CD44: variants seen among roughly 807,000 people sequenced by gnomAD.
The protein encoded by CD44 is CD44 molecule (IN blood group).
In CD44, 49 loss-of-function variants were observed where a neutral mutation model predicts 88.8. That is an observed-to-expected ratio of 0.55 (90% CI 0.44 to 0.70). The LOEUF (loss-of-function observed/expected upper bound fraction) is 0.70, where lower values mean the gene tolerates loss of function less well. Among genes scored for constraint, CD44 ranks in the 30% least tolerant of loss-of-function variants. CD44 has a pLI of 0.00. For synonymous variants in CD44, 325 were observed against 312.3 expected, an observed-to-expected ratio of 1.04 and a Z score of -0.43; for missense variants, 883 against 913.8, an observed-to-expected ratio of 0.97 and a Z score of 0.43.
At chr11:35,199,310 A>T (rs1947068637) in intron 7 of CD44, among the ~76,000 whole-genome samples, 1 of 152,254 alleles carries the variant, frequency 6.6e-6, no homozygotes, top group Non-Finnish European at 1.5e-5. Flanking sequence ...AAAAAGTTAA[A>T]AACATGCAAA....
intron 1 of CD44, among the ~76,000 whole-genome samples, chr11:35,159,265 C>T (rs1042560020): frequency 6.6e-6 from 1 of 152,186 alleles, no homozygotes; most frequent in Non-Finnish European, 1.5e-5. Context: ...CCTTTAGCTG[C>T]TTAGTTCTGC....
chr11:35,144,453 G>T (rs1181702338), intron 1 of CD44, among the ~76,000 whole-genome samples: 1 of 152,200 alleles, frequency 6.6e-6, no homozygotes, highest in African/African-American at 2.4e-5. Context: ...CTGCTTTAAT[G>T]GGAAGGTTGT....
At chr11:35,201,603 TG>T in intron 8 of CD44, 67 bp from the exon 9 acceptor site, 1 of 1,591,076 alleles carries the variant, frequency 6.3e-7, no homozygotes, top group South Asian at 1.1e-5. Flanking sequence ...TGCACTTTAA[TG>T]GAAGAATAGA....
chr11:35,225,894 T>A (rs1352200560), intron 17 of CD44, among the ~76,000 whole-genome samples: 1 of 152,150 alleles, frequency 6.6e-6, no homozygotes, highest in Non-Finnish European at 1.5e-5. Flanking sequence ...TGCAGTGCCA[T>A]AACAAGCTGT....
intron 14 of CD44, 47 bp downstream of exon 14, chr11:35,211,496 C>T (rs1948385201): frequency 6.6e-6 from 9 of 1,356,988 alleles, no homozygotes; most frequent in Non-Finnish European, 9.5e-6. Flanking sequence ...TATAGAGAAA[C>T]AATATATAGT....
At chr11:35,162,007 A>G (rs1456485881) in intron 1 of CD44, among the ~76,000 whole-genome samples, 1 of 152,198 alleles carries the variant, frequency 6.6e-6, no homozygotes, top group East Asian at 1.9e-4. Flanking sequence ...TCTGTGTAAC[A>G]CTATGAGTAT....
chr11:35,204,425 A>G (rs760151526), intron 9 of CD44, 87 bp from the exon 10 acceptor site: 5 of 1,320,932 alleles, frequency 3.8e-6, no homozygotes, highest in Non-Finnish European at 4.3e-6. Flanking sequence ...CCCCATGTGT[A>G]TCTGCCCTTA....
chr11:35,147,496 G>A (rs1200371921), intron 1 of CD44, among the ~76,000 whole-genome samples: 2 of 152,070 alleles, frequency 1.3e-5, no homozygotes, highest in South Asian at 2.1e-4. Flanking sequence ...TGAGAAAAAA[G>A]CCACCCAGGA....
intron 13 of CD44, among the ~76,000 whole-genome samples, chr11:35,210,936 A>G (rs1228504416): frequency 6.6e-6 from 1 of 152,188 alleles, no homozygotes; most frequent in African/African-American, 2.4e-5. Context: ...AAGATTATCT[A>G]GTACCTCAGC....
intron 1 of CD44, among the ~76,000 whole-genome samples, chr11:35,159,982 T>C (rs60507050): frequency 0.016 from 2,416 of 152,296 alleles, 66 homozygotes; most frequent in African/African-American, 0.055. Flanking sequence ...AATTGAGAAC[T>C]CTTGGGAGGC....
rs531386283 is a variant in CD44, at chr11:35,151,852, T to C, written c.67+12482T>C. Among the ~76,000 whole-genome samples, 3 of 152,344 alleles carry C rather than the reference T, an allele frequency of 2.0e-5. No individual in the cohort carries two copies. The South Asian group carries it at 6.2e-4, about 32-fold the overall frequency. On this transcript the variant is annotated intron_variant, in intron 1 of 17. Coordinates refer to ENST00000428726, the MANE Select transcript of CD44 (RefSeq NM_000610.4). ...TAGTCACTTGAGCCTTTTGTTAGGATTCACTCCCATTCTGTCTTCCCATTT... is the reference window on the plus strand; with the variant it reads ...TAGTCACTTGAGCCTTTTGTTAGGACTCACTCCCATTCTGTCTTCCCATTT...
At chr11:35,147,738 A>G (rs1224550662) in intron 1 of CD44, among the ~76,000 whole-genome samples, 1 of 152,174 alleles carries the variant, frequency 6.6e-6, no homozygotes, top group African/African-American at 2.4e-5. Context: ...TTTCCAAGAT[A>G]GTAGCACGAT....
chr11:35,151,671 T>G (rs1243028481), intron 1 of CD44, among the ~76,000 whole-genome samples: 2 of 152,334 alleles, frequency 1.3e-5, no homozygotes, highest in South Asian at 4.1e-4. Flanking sequence ...ATCACCGTAG[T>G]GGAGCAGCAG....
intron 2 of CD44, among the ~76,000 whole-genome samples, chr11:35,177,414 G>A (rs1055179615): frequency 2.6e-5 from 4 of 152,160 alleles, no homozygotes; most frequent in African/African-American, 9.7e-5. Flanking sequence ...TGCGGTAAGC[G>A]GTGCACAAGA....
intron 1 of CD44, among the ~76,000 whole-genome samples, chr11:35,153,172 G>A (rs568346597): frequency 3.3e-5 from 5 of 152,272 alleles, no homozygotes; most frequent in South Asian, 4.1e-4. Context: ...TGACTTGTCC[G>A]GTTTCCTTTC....
intron 2 of CD44, among the ~76,000 whole-genome samples, chr11:35,178,745 A>G (rs1364361540): frequency 6.6e-6 from 1 of 152,356 alleles, no homozygotes; most frequent in South Asian, 2.1e-4. Context: ...GGTGTTATCC[A>G]TACTTGATGA....
At chr11:35,148,366 G>A (rs1859628829) in intron 1 of CD44, among the ~76,000 whole-genome samples, 1 of 152,230 alleles carries the variant, frequency 6.6e-6, no homozygotes, top group African/African-American at 2.4e-5. Context: ...GCCCACATCT[G>A]CCTGCAAGAG....
chr11:35,190,456 T>G (rs1016837216), intron 5 of CD44: 1 of 231,586 alleles, frequency 4.3e-6, no homozygotes, highest in Admixed American at 5.2e-5. Context: ...TTCATAAAGT[T>G]GGGATCATAG....
intron 17 of CD44, among the ~76,000 whole-genome samples, chr11:35,228,485 AATC>A (rs1202282770): frequency 6.6e-6 from 1 of 152,242 alleles, no homozygotes; most frequent in African/African-American, 2.4e-5. Context: ...AATGATTTAC[AATC>A]ATCATGTTGA....
Sources: allele counts gnomAD v4.1 joint callset (sites outside exome capture counted in the v4.1 genomes callset), GRCh38; gene constraint gnomAD v4.1.1; transcripts MANE v1.5; gene names NCBI Gene and HGNC (gene_info 2026-07-23, HGNC 2026-07-21).